Variants in ABR observed in about 807,000 individuals in gnomAD.
The protein encoded by ABR is ABR activator of RhoGEF and GTPase.
Under a neutral mutation model 107.2 loss-of-function variants are expected in ABR, and 35 were observed. The observed-to-expected ratio is 0.33, with a 90% confidence interval of 0.25 to 0.43. The LOEUF (loss-of-function observed/expected upper bound fraction) is 0.43. ABR is among the 20% of genes least tolerant of loss of function. ABR has a pLI of 1.00. For synonymous variants in ABR, 498 were observed against 462.0 expected (o/e 1.08, Z -1.00); for missense variants, 815 against 1,115.2 (o/e 0.73, Z 3.83).
At chr17:1,151,930 G>A (rs1417165131) in intron 1 of ABR, among the ~76,000 whole-genome samples, 1 of 151,892 alleles carries the variant, frequency 6.6e-6, no homozygotes, top group Non-Finnish European at 1.5e-5. Flanking sequence ...CGAAGCAGGT[G>A]GATCACGAGG....
chr17:1,217,790 G>C (rs550449986), intron 1 of ABR, among the ~76,000 whole-genome samples: 1 of 152,292 alleles, frequency 6.6e-6, no homozygotes, highest in East Asian at 1.9e-4. Flanking sequence ...CACCTCCCAG[G>C]TTCAAGCGAT....
chr17:1,191,102 G>A (rs895373535), upstream of ABR, among the ~76,000 whole-genome samples: 1 of 152,176 alleles, frequency 6.6e-6, no homozygotes. Context: ...TCTGCTGGGG[G>A]CCTGTGCCCA....
intron 2 of ABR, among the ~76,000 whole-genome samples, chr17:1,110,199 C>T (rs903400942): frequency 5.3e-5 from 8 of 152,010 alleles, no homozygotes; most frequent in Non-Finnish European, 1.2e-4. Flanking sequence ...CCCAACTGTG[C>T]AGGGAGTGAG....
intron 1 of ABR, among the ~76,000 whole-genome samples, chr17:1,199,256 A>C (rs1567885876): frequency 6.6e-6 from 1 of 150,884 alleles, no homozygotes; most frequent in Non-Finnish European, 1.5e-5. Context: ...GCAGTGAGCC[A>C]GGGCCCGGCT....
chr17:1,188,464 C>T (rs575837059), upstream of ABR, among the ~76,000 whole-genome samples: 1 of 151,662 alleles, frequency 6.6e-6, no homozygotes, highest in African/African-American at 2.4e-5. Flanking sequence ...GCAGGAGAAT[C>T]GCTTGAACCT....
intron 14 of ABR, among the ~76,000 whole-genome samples, chr17:1,053,556 G>A (rs2032839262): frequency 6.6e-6 from 1 of 152,148 alleles, no homozygotes. Flanking sequence ...AGCAGGAAAA[G>A]TCATGGTGCC....
chr17:1,080,207 G>A (rs1408874940), intron 5 of ABR, among the ~76,000 whole-genome samples: 1 of 152,082 alleles, frequency 6.6e-6, no homozygotes, highest in East Asian at 1.9e-4. Flanking sequence ...CCATCAGAGA[G>A]CACTTACTCA....
intron 3 of ABR, among the ~76,000 whole-genome samples, chr17:1,094,192 C>CCA (rs2037239961): frequency 6.6e-6 from 1 of 152,162 alleles, no homozygotes; most frequent in Non-Finnish European, 1.5e-5. Context: ...GCATGGGGTT[C>CCA]CACCTGGTGC....
At position 1,210,928 on chromosome 17, in the gene ABR, C is replaced by T. The variant is rs1236714027; in HGVS notation, c.838+17865G>A. On this transcript the variant is annotated intron_variant, in intron 1 of 22. Coordinates refer to the ABR transcript ENST00000574139. This position sits in a 1 kb window ranked among gnomAD's most constrained non-coding sequence, Gnocchi z 5.6. ...ACCTCATATCAAGCACTTGGCAAAG[C>T]CTGCCAAACTCTGGGGTGCTGGACT... 2.0e-5 allele frequency among the ~76,000 whole-genome samples: 3 copies of T among 152,174 alleles called. No individual in the cohort carries two copies. The highest frequency in any genetic ancestry group is 7.2e-5 in the African/African-American group (3 of 41,442).
intron 11 of ABR, 91 bp downstream of exon 11, chr17:1,058,654 C>T (rs1038307631): frequency 8.1e-6 from 12 of 1,488,484 alleles, no homozygotes; most frequent in East Asian, 2.4e-5. Context: ...CCTGAGTTTC[C>T]GGTTCGTACA....
chr17:1,216,071 A>C (rs991222091), intron 1 of ABR, among the ~76,000 whole-genome samples: 1 of 151,350 alleles, frequency 6.6e-6, no homozygotes, highest in African/African-American at 2.4e-5. Flanking sequence ...TAGGAAAACC[A>C]GAGACCTTTG....
chr17:1,120,980 C>T (rs983365897), intron 2 of ABR, among the ~76,000 whole-genome samples: 1 of 152,202 alleles, frequency 6.6e-6, no homozygotes, highest in African/African-American at 2.4e-5. Context: ...GCCTTAGGAA[C>T]CTACACCCCC....
At chr17:1,194,306 G>A (rs574395618) in intron 1 of ABR, among the ~76,000 whole-genome samples, 1 of 151,522 alleles carries the variant, frequency 6.6e-6, no homozygotes, top group South Asian at 2.1e-4. Context: ...TCTTGCCTCA[G>A]CCTCCCAAGT....
intron 16 of ABR, among the ~76,000 whole-genome samples, chr17:1,023,962 T>C (rs191599535): frequency 6.5e-5 from 9 of 138,556 alleles, no homozygotes; most frequent in African/African-American, 2.2e-4. Context: ...GAGGCGGAGG[T>C]TGCGGTGAGC....
At position 1,132,504 on chromosome 17, in the gene ABR, G is replaced by A. The variant is rs527950674; in HGVS notation, c.62-7137C>T. ...AGCGATTCTCCCGTCTCAGCCTCCC[G>A]AGTAGCTGGGATTATAGGCATGCAC... is the stretch of plus-strand genomic sequence containing the variant. On this transcript the variant is annotated intron_variant, in intron 1 of 22. Coordinates refer to ENST00000302538, the MANE Select transcript of ABR (RefSeq NM_021962.5). Among the ~76,000 whole-genome samples the A allele has an allele frequency of 1.5e-3, 220 of 149,846 alleles. 2 individuals are homozygous for A. Among genetic ancestry groups the A allele is most frequent in the African/African-American group, 4.9e-3 (202 of 40,816 alleles).
intron 1 of ABR, among the ~76,000 whole-genome samples, chr17:1,129,789 A>C (rs2039748003): frequency 6.6e-6 from 1 of 152,110 alleles, no homozygotes; most frequent in Non-Finnish European, 1.5e-5. Flanking sequence ...TCTACTAAAA[A>C]TACAAAAATT....
chr17:1,196,342 A>G (rs555674078), intron 1 of ABR, among the ~76,000 whole-genome samples: 15 of 152,148 alleles, frequency 9.9e-5, no homozygotes, highest in Admixed American at 4.6e-4. Flanking sequence ...AGGCAGGAGA[A>G]TCACTTGAAC....
intron 1 of ABR, among the ~76,000 whole-genome samples, chr17:1,227,782 C>G (rs1314466068): frequency 6.6e-6 from 1 of 152,112 alleles, no homozygotes; most frequent in East Asian, 1.9e-4. Flanking sequence ...AGGGCTCCCA[C>G]GCCACCCCCA....
chr17:1,181,205 G>A (rs1189254524), upstream of ABR, among the ~76,000 whole-genome samples: 1 of 152,178 alleles, frequency 6.6e-6, no homozygotes, highest in African/African-American at 2.4e-5. Context: ...ACTCCAAACA[G>A]ACACACACAC....
Sources: gnomAD v4.1 joint callset for allele counts (sites outside exome capture counted in the v4.1 genomes callset) on GRCh38, gnomAD v4.1.1 for gene constraint, Gnocchi (gnomAD v3.1) non-coding constraint, MANE v1.5 for transcripts, NCBI Gene and HGNC (gene_info 2026-07-23, HGNC 2026-07-21) for gene names.